Variants in KCNB2 observed in about 807,000 individuals in gnomAD.
KCNB2 encodes the protein delayed rectifier potassium channel protein.
KCNB2 carries 15 observed loss-of-function variants against 61.5 expected under a neutral mutation model. The ratio of observed to expected loss-of-function variants is 0.24; its 90% confidence interval spans 0.16 to 0.38. KCNB2 has a LOEUF of 0.38. KCNB2 is among the 10% of genes least tolerant of loss of function. The pLI is 1.00. For synonymous variants in KCNB2, 457 were observed against 446.0 expected (o/e 1.02, Z -0.31); for missense variants, 828 against 1,125.2 (o/e 0.74, Z 3.78).
chr8:72,935,023 T>C (rs1806871503), intron 2 of KCNB2, among the ~76,000 whole-genome samples: 1 of 152,044 alleles, frequency 6.6e-6, no homozygotes, highest in African/African-American at 2.4e-5. Flanking sequence ...ACCATGTAAT[T>C]TTTATAACAG....
intron 2 of KCNB2, among the ~76,000 whole-genome samples, chr8:72,843,967 G>A (rs891999846): frequency 6.6e-6 from 1 of 152,174 alleles, no homozygotes; most frequent in Non-Finnish European, 1.5e-5. Flanking sequence ...GTGTGAATTT[G>A]ATCTTGTCAT....
At chr8:72,580,827 T>G (rs1406978784) in intron 2 of KCNB2, among the ~76,000 whole-genome samples, 1 of 152,172 alleles carries the variant, frequency 6.6e-6, no homozygotes, top group African/African-American at 2.4e-5. Flanking sequence ...GCATTTTCAT[T>G]TCATTCCTGG....
chr8:72,656,451 G>A (rs560544535), intron 2 of KCNB2, among the ~76,000 whole-genome samples: 28 of 152,162 alleles, frequency 1.8e-4, no homozygotes, highest in South Asian at 1.7e-3. Flanking sequence ...CATTCGAGTC[G>A]TAAATAATAA....
chr8:72,585,939 G>T (rs1282800144), intron 2 of KCNB2, among the ~76,000 whole-genome samples: 1 of 152,194 alleles, frequency 6.6e-6, no homozygotes, highest in Non-Finnish European at 1.5e-5. Context: ...ACATTTAAAA[G>T]GGTATGGTAT....
At chr8:72,838,259 C>T (rs1051282552) in intron 2 of KCNB2, among the ~76,000 whole-genome samples, 4 of 152,128 alleles carry the variant, frequency 2.6e-5, no homozygotes, top group Non-Finnish European at 5.9e-5. Flanking sequence ...TGCTATCCTT[C>T]CCCCAGCCCC....
At chr8:72,863,255 G>A (rs1197909143) in intron 2 of KCNB2, among the ~76,000 whole-genome samples, 3 of 152,158 alleles carry the variant, frequency 2.0e-5, no homozygotes, top group Non-Finnish European at 2.9e-5. Flanking sequence ...AATTTGTCCT[G>A]TAAGTATTTT....
chr8:72,641,144 C>A (rs1806048883), intron 2 of KCNB2, among the ~76,000 whole-genome samples: 1 of 151,984 alleles, frequency 6.6e-6, no homozygotes, highest in South Asian at 2.1e-4. Context: ...TCTTTACAAT[C>A]CACTAAAATT....
intron 2 of KCNB2, among the ~76,000 whole-genome samples, chr8:72,788,575 T>C (rs1254758329): frequency 6.6e-6 from 1 of 152,080 alleles, no homozygotes; most frequent in Non-Finnish European, 1.5e-5. Flanking sequence ...AGTACATTTA[T>C]ACTCTACTTA....
chr8:72,712,320 T>C (rs900534478), intron 2 of KCNB2, among the ~76,000 whole-genome samples: 1 of 152,232 alleles, frequency 6.6e-6, no homozygotes, highest in East Asian at 1.9e-4. Context: ...GTGGAATAGA[T>C]AGTAGTGTCT....
chr8:72,613,897 G>T (rs1805577525), intron 2 of KCNB2, among the ~76,000 whole-genome samples: 1 of 152,168 alleles, frequency 6.6e-6, no homozygotes, highest in Non-Finnish European at 1.5e-5. Flanking sequence ...CAGTTATTCA[G>T]ATGGGATCTT....
intron 2 of KCNB2, among the ~76,000 whole-genome samples, chr8:72,691,157 C>G (rs1806934004): frequency 6.6e-6 from 1 of 152,160 alleles, no homozygotes; most frequent in African/African-American, 2.4e-5. Context: ...TTTGTCTTCC[C>G]CAGTGCCTGT....
At chr8:72,740,552 A>T (rs1807934569) in intron 2 of KCNB2, among the ~76,000 whole-genome samples, 1 of 152,182 alleles carries the variant, frequency 6.6e-6, no homozygotes, top group South Asian at 2.1e-4. Context: ...GCAAGTTCTC[A>T]TGGGGAAAAG....
At chr8:72,572,574 C>G (rs1034351408) in intron 2 of KCNB2, among the ~76,000 whole-genome samples, 1 of 150,466 alleles carries the variant, frequency 6.6e-6, no homozygotes. Flanking sequence ...CTCTCTGCGT[C>G]TCTCTCTCTC....
At chr8:72,612,897 T>A (rs1189980555) in intron 2 of KCNB2, among the ~76,000 whole-genome samples, 2 of 152,188 alleles carry the variant, frequency 1.3e-5, no homozygotes, top group African/African-American at 4.8e-5. Flanking sequence ...AGATTTTCTA[T>A]GTTTTAACAT....
At chr8:72,873,660 A>C (rs1805655065) in intron 2 of KCNB2, among the ~76,000 whole-genome samples, 1 of 152,250 alleles carries the variant, frequency 6.6e-6, no homozygotes, top group Non-Finnish European at 1.5e-5. Flanking sequence ...AGAGTAAGAC[A>C]TACATAATCT....
intron 2 of KCNB2, among the ~76,000 whole-genome samples, chr8:72,757,744 G>T (rs1808313776): frequency 6.6e-6 from 1 of 152,176 alleles, no homozygotes; most frequent in African/African-American, 2.4e-5. Flanking sequence ...GAAGGCCAGG[G>T]TTGGCACAAT....
At chr8:72,727,321 A>C (rs753163647) in intron 2 of KCNB2, among the ~76,000 whole-genome samples, 8 of 152,200 alleles carry the variant, frequency 5.3e-5, no homozygotes, top group Non-Finnish European at 1.0e-4. Context: ...ATAAAACTGA[A>C]AACTCAGAAA....
At chr8:72,663,892 T>G (rs1014383828) in intron 2 of KCNB2, among the ~76,000 whole-genome samples, 1 of 152,310 alleles carries the variant, frequency 6.6e-6, no homozygotes, top group African/African-American at 2.4e-5. Flanking sequence ...CAACTGCAGT[T>G]TGTCTGTTTG....
chr8:72,934,063 A>G (rs989785013), intron 2 of KCNB2, among the ~76,000 whole-genome samples: 1 of 152,188 alleles, frequency 6.6e-6, no homozygotes, highest in African/African-American at 2.4e-5. Flanking sequence ...AGGAGGAAAG[A>G]TGGAAGCTGG....
Sources: gnomAD v4.1 joint callset for allele counts (sites outside exome capture counted in the v4.1 genomes callset) on GRCh38, gnomAD v4.1.1 for gene constraint, MANE v1.5 for transcripts, NCBI Gene and HGNC (gene_info 2026-07-23, HGNC 2026-07-21) for gene names.